The following RAB20 variants were observed in gnomAD, a reference collection of about 807,000 sequenced individuals.
RAB20 encodes ras-related protein Rab-20.
A neutral mutation model predicts 3.7 loss-of-function variants in RAB20; 2 were observed. The observed-to-expected ratio is 0.54, with a 90% CI of 0.22 to 1.69. The LOEUF (loss-of-function observed/expected upper bound fraction) is 1.69, where lower values mean the gene tolerates loss of function less well. Among genes scored for constraint, RAB20 ranks in the 40% most tolerant of loss-of-function variants. The pLI is 0.19. For missense variants in RAB20, 276 were observed against 311.9 expected (o/e 0.88, Z 0.87); for synonymous variants, 126 against 130.8 (o/e 0.96, Z 0.25).
chr13:110,546,287 G>A (rs1884847919), intron 1 of RAB20, among the ~76,000 whole-genome samples: 1 of 152,160 alleles, frequency 6.6e-6, no homozygotes. Context: ...ACAGTTTTAA[G>A]AAGACATCAC....
At chr13:110,560,899 A>C (rs1275536512) in intron 1 of RAB20, among the ~76,000 whole-genome samples, 1 of 152,070 alleles carries the variant, frequency 6.6e-6, no homozygotes, top group African/African-American at 2.4e-5. Flanking sequence ...TAAACCCAAC[A>C]GGGGGGAACA....
At chr13:110,550,586 C>T (rs1481986851) in intron 1 of RAB20, among the ~76,000 whole-genome samples, 2 of 152,194 alleles carry the variant, frequency 1.3e-5, no homozygotes, top group Non-Finnish European at 2.9e-5. Flanking sequence ...AAACCCTACA[C>T]CTTTGCTCAC....
At chr13:110,547,032 G>A (rs536940785) in intron 1 of RAB20, among the ~76,000 whole-genome samples, 2 of 152,102 alleles carry the variant, frequency 1.3e-5, no homozygotes, top group Non-Finnish European at 2.9e-5. Context: ...GAGTCACCAC[G>A]CCTGGCCAAG....
At chr13:110,558,269 A>G (rs1014476044) in intron 1 of RAB20, among the ~76,000 whole-genome samples, 3 of 152,178 alleles carry the variant, frequency 2.0e-5, no homozygotes, top group African/African-American at 7.2e-5. Context: ...GTGCCCAATT[A>G]GACAAGGGCT....
At chr13:110,543,830 C>T (rs1261995209) in intron 1 of RAB20, among the ~76,000 whole-genome samples, 7 of 145,252 alleles carry the variant, frequency 4.8e-5, no homozygotes, top group Admixed American at 4.2e-4. Context: ...GGCTGGAGTA[C>T]AGTGGTGCGA....
chr13:110,540,692 C>T (rs527485390), intron 1 of RAB20, among the ~76,000 whole-genome samples: 8 of 150,382 alleles, frequency 5.3e-5, no homozygotes, highest in South Asian at 4.2e-4. Context: ...CAGTGAGCTG[C>T]GATCGCGCCA....
chr13:110,540,738 G>A (rs1157384100), intron 1 of RAB20, among the ~76,000 whole-genome samples: 3 of 57,642 alleles, frequency 5.2e-5, no homozygotes, highest in East Asian at 1.1e-3. Context: ...GTGAAACTCC[G>A]TCTCAAAAAA....
intron 1 of RAB20, among the ~76,000 whole-genome samples, chr13:110,524,505 G>C (rs1473048868): frequency 4.6e-5 from 7 of 152,150 alleles, no homozygotes; most frequent in Admixed American, 2.0e-4. Context: ...AACTCCAAAG[G>C]AGTCCTGGCC....
chr13:110,553,845 G>A (rs780242556), intron 1 of RAB20, among the ~76,000 whole-genome samples: 1 of 152,246 alleles, frequency 6.6e-6, no homozygotes. Flanking sequence ...GCTGGGCGCA[G>A]TGGCTCATGC....
At chr13:110,547,911 T>C (rs932252438) in intron 1 of RAB20, among the ~76,000 whole-genome samples, 5 of 152,204 alleles carry the variant, frequency 3.3e-5, no homozygotes, top group African/African-American at 9.6e-5. Context: ...CATTTATTCT[T>C]TGTATCTAAA....
chr13:110,527,487 A>T (rs1356365223), intron 1 of RAB20, among the ~76,000 whole-genome samples: 1 of 152,156 alleles, frequency 6.6e-6, no homozygotes, highest in African/African-American at 2.4e-5. Flanking sequence ...TGCCAGTCTG[A>T]GGGTCAAAGT....
chr13:110,538,296 A>C (rs1449394588), intron 1 of RAB20, among the ~76,000 whole-genome samples: 2 of 151,202 alleles, frequency 1.3e-5, no homozygotes, highest in Non-Finnish European at 2.9e-5. Flanking sequence ...AAAAAAGACT[A>C]TTGGTATTTC....
chr13:110,537,617 A>G (rs1206163700), intron 1 of RAB20, among the ~76,000 whole-genome samples: 1 of 151,768 alleles, frequency 6.6e-6, no homozygotes, highest in African/African-American at 2.4e-5. Flanking sequence ...AAGGAGCTGC[A>G]TCCTCAATCA....
intron 1 of RAB20, among the ~76,000 whole-genome samples, chr13:110,524,606 C>T (rs957157802): frequency 3.3e-5 from 5 of 152,184 alleles, no homozygotes; most frequent in African/African-American, 4.8e-5. Context: ...GAAGCTGACT[C>T]GGGAATGCAG....
At chr13:110,536,435 C>G (rs1228993283) in intron 1 of RAB20, among the ~76,000 whole-genome samples, 4 of 152,208 alleles carry the variant, frequency 2.6e-5, no homozygotes, top group African/African-American at 9.6e-5. Context: ...CACCAAGGTC[C>G]ATGTGACAGT....
At chr13:110,525,488 G>A (rs1884413451) in intron 1 of RAB20, among the ~76,000 whole-genome samples, 1 of 152,196 alleles carries the variant, frequency 6.6e-6, no homozygotes, top group Non-Finnish European at 1.5e-5. Flanking sequence ...AAGGGGGCCC[G>A]CTCACCTCCC....
intron 1 of RAB20, among the ~76,000 whole-genome samples, chr13:110,542,698 AT>A (rs1884785394): frequency 1.3e-5 from 2 of 152,114 alleles, no homozygotes; most frequent in Admixed American, 6.5e-5. Context: ...TATTTACCAC[AT>A]TTTCTTGATC....
chr13:110,525,067 G>A (rs1884403929), intron 1 of RAB20, among the ~76,000 whole-genome samples: 1 of 64,386 alleles, frequency 1.6e-5, no homozygotes, highest in Non-Finnish European at 4.1e-5. Context: ...GGGTCTGGCG[G>A]GGAACAGGGC....
chr13:110,541,108 A>G (rs765435617), intron 1 of RAB20, among the ~76,000 whole-genome samples: 2 of 152,130 alleles, frequency 1.3e-5, no homozygotes, highest in African/African-American at 4.8e-5. Context: ...CCAAGGTGAG[A>G]GCCGACCACC....
Sources: allele counts gnomAD v4.1 joint callset (sites outside exome capture counted in the v4.1 genomes callset), GRCh38; gene constraint gnomAD v4.1.1; transcripts MANE v1.5; gene names NCBI Gene and HGNC (gene_info 2026-07-23, HGNC 2026-07-21).